Variants in FAAH2 observed in about 807,000 individuals in gnomAD.
FAAH2 encodes the protein fatty acid amide hydrolase 2.
A neutral mutation model predicts 36.9 loss-of-function variants in FAAH2; 60 were observed. The observed-to-expected ratio is 1.63, with a 90% CI of 1.32 to 2.02. FAAH2 has a LOEUF of 2.02. Among genes scored for constraint, FAAH2 ranks in the 30% most tolerant of loss-of-function variants. FAAH2 has a pLI of 0.00. For synonymous variants in FAAH2, 214 were observed against 143.8 expected (o/e 1.49, Z -3.49); for missense variants, 689 against 397.5 (o/e 1.73, Z -6.23).
At chrX:57,164,864 A>C in the FAAH2 span, among the ~76,000 whole-genome samples, 1 of 112,142 alleles carries the variant, frequency 8.9e-6, no homozygotes, top group Non-Finnish European at 1.9e-5. Flanking sequence ...CATTTTAATC[A>C]TTTTTTTGTT....
intron 7 of FAAH2, chrX:57,393,314 G>T: frequency 1.1e-6 from 1 of 913,862 alleles, no homozygotes; most frequent in Non-Finnish European, 1.6e-6. Flanking sequence ...AGTGACCATA[G>T]GGCCACCCCT....
chrX:57,418,472 G>C (rs2055906808), intron 7 of FAAH2, among the ~76,000 whole-genome samples: 1 of 110,830 alleles, frequency 9.0e-6, no homozygotes, highest in Non-Finnish European at 1.9e-5. Flanking sequence ...GGCTTCCCTT[G>C]GCTAAGCGAG....
At chrX:57,418,591 C>A (rs930340501) in intron 7 of FAAH2, among the ~76,000 whole-genome samples, 1 of 110,736 alleles carries the variant, frequency 9.0e-6, no homozygotes, top group African/African-American at 3.3e-5. Flanking sequence ...TGAGATGAGC[C>A]GAGTACCTCG....
the FAAH2 span, among the ~76,000 whole-genome samples, chrX:57,149,415 A>G: frequency 2.7e-5 from 3 of 111,575 alleles, no homozygotes; most frequent in South Asian, 1.1e-3. Flanking sequence ...TAAGCTATTG[A>G]TTATTGCCAC....
chrX:57,203,246 G>A, the FAAH2 span, among the ~76,000 whole-genome samples: 1 of 112,268 alleles, frequency 8.9e-6, no homozygotes, highest in Non-Finnish European at 1.9e-5. Context: ...GGGAAACAAA[G>A]GGATGGGCCA....
chrX:57,230,850 TGTA>T, the FAAH2 span, among the ~76,000 whole-genome samples: 1 of 111,904 alleles, frequency 8.9e-6, no homozygotes, highest in African/African-American at 3.2e-5. Flanking sequence ...GTCTGATAAT[TGTA>T]GTATTTACAA....
intron 5 of FAAH2, among the ~76,000 whole-genome samples, chrX:57,344,741 T>C (rs1342928310): frequency 9.0e-6 from 1 of 111,589 alleles, no homozygotes; most frequent in Non-Finnish European, 1.9e-5. Flanking sequence ...TTAGCTCTTA[T>C]TATTTTGATG....
intron 7 of FAAH2, among the ~76,000 whole-genome samples, chrX:57,401,637 T>C (rs1174934961): frequency 9.0e-6 from 1 of 111,426 alleles, no homozygotes; most frequent in Admixed American, 9.5e-5. Context: ...TTTAACAATC[T>C]TTTGGAATCC....
the FAAH2 span, among the ~76,000 whole-genome samples, chrX:57,254,111 A>T: frequency 1.8e-5 from 2 of 111,097 alleles, no homozygotes; most frequent in Non-Finnish European, 3.8e-5. Flanking sequence ...CAAAAAAAAA[A>T]GGCAAGGGGT....
chrX:57,472,338 T>C (rs1416163196), intron 10 of FAAH2, among the ~76,000 whole-genome samples: 5 of 112,094 alleles, frequency 4.5e-5, no homozygotes, highest in African/African-American at 1.6e-4. Context: ...TTTTGCAATC[T>C]ACTCATCTGA....
Position 57,485,707 on chromosome X carries a change from A to G in FAAH2, c.1424-3050A>G, listed in dbSNP as rs1382152045. Among the ~76,000 whole-genome samples, 4 of 111,953 alleles carry G rather than the reference A, an allele frequency of 3.6e-5. No individual in the cohort carries two copies. The Admixed American group carries it at 3.8e-4, about 11-fold the overall frequency. ...ACATTCCTTAACTACTTCTGAATTC[A>G]TTATCAGTCATTTCATAGATCTCTA... On this transcript the variant is annotated intron_variant, in intron 10 of 10. Transcript: ENST00000374900.
At chrX:57,203,960 C>T in the FAAH2 span, among the ~76,000 whole-genome samples, 1 of 111,662 alleles carries the variant, frequency 9.0e-6, no homozygotes, top group Non-Finnish European at 1.9e-5. Context: ...TGCCACTATA[C>T]TGCCATGTTT....
In FAAH2 at chrX:57,435,691, A is replaced by G. The variant is rs937396948; in HGVS notation, c.1116+3654A>G. Among the ~76,000 whole-genome samples the G allele has an allele frequency of 5.4e-5, 6 of 111,456 alleles. No individual in the cohort carries two copies. The Admixed American group carries it at 5.8e-4, about 11-fold the overall frequency. The stretch of plus-strand genomic sequence containing the variant: ...ACTCAATACTGGAGCAACCAGATTC[A>G]TAAAACAAATATTACTACATCTAAA... On this transcript the variant is annotated intron_variant, in intron 8 of 10. Coordinates refer to ENST00000374900, the MANE Select transcript of FAAH2 (RefSeq NM_174912.4).
the FAAH2 span, among the ~76,000 whole-genome samples, chrX:57,276,606 A>T: frequency 5.5e-3 from 614 of 111,613 alleles, 3 homozygotes; most frequent in Middle Eastern, 0.018. Flanking sequence ...AGACACAAAA[A>T]ACCCTTCAAA....
chrX:57,362,979 C>T (rs2054322514), intron 5 of FAAH2, among the ~76,000 whole-genome samples: 1 of 111,535 alleles, frequency 9.0e-6, no homozygotes, highest in Non-Finnish European at 1.9e-5. Flanking sequence ...TTACTGCAGC[C>T]TTGTAGTATA....
At chrX:57,246,178 G>C in the FAAH2 span, among the ~76,000 whole-genome samples, 1 of 111,792 alleles carries the variant, frequency 8.9e-6, no homozygotes, top group African/African-American at 3.3e-5. Context: ...AAACCAGAAA[G>C]AAGTCGAATC....
At chrX:57,401,680 T>TTAGACC in intron 7 of FAAH2, among the ~76,000 whole-genome samples, 1 of 111,201 alleles carries the variant, frequency 9.0e-6, no homozygotes. Flanking sequence ...GGGTACTGCC[T>TTAGACC]TTGGTAGGGA....
the FAAH2 span, among the ~76,000 whole-genome samples, chrX:57,207,588 C>T: frequency 1.8e-5 from 2 of 112,515 alleles, no homozygotes; most frequent in African/African-American, 3.2e-5. Context: ...ATTTCCACAT[C>T]CAGCACAATC....
At chrX:57,140,586 G>A in the FAAH2 span, among the ~76,000 whole-genome samples, 3 of 80,112 alleles carry the variant, frequency 3.7e-5, no homozygotes, top group Non-Finnish European at 6.7e-5. Flanking sequence ...GCAACAGAGC[G>A]AGACCCCGTC....
Sources: allele counts gnomAD v4.1 joint callset (sites outside exome capture counted in the v4.1 genomes callset), GRCh38; gene constraint gnomAD v4.1.1; transcripts MANE v1.5; gene names NCBI Gene and HGNC (gene_info 2026-07-23, HGNC 2026-07-21).